PKHD1: variants seen among roughly 807,000 people sequenced by gnomAD.
PKHD1 encodes the protein PKHD1 ciliary IPT domain containing fibrocystin/polyductin, also known as fibrocystin.
A neutral mutation model predicts 412.0 loss-of-function variants in PKHD1; 291 were observed. The ratio of observed to expected loss-of-function variants is 0.71; its 90% CI spans 0.64 to 0.78. The LOEUF is 0.78. Among genes scored for constraint, PKHD1 ranks in the 30% least tolerant of loss-of-function variants. The probability of loss-of-function intolerance (pLI) is 0.00; values close to 1 mark genes in which losing one functional copy is unlikely to be tolerated. For synonymous variants in PKHD1, 1,777 were observed against 1,821.5 expected, an observed-to-expected ratio of 0.98 and a Z score of 0.62; for missense variants, 4,825 against 4,950.7, an observed-to-expected ratio of 0.97 and a Z score of 0.76.
At chr6:51,849,284 T>G (rs1311380074) in intron 49 of PKHD1, among the ~76,000 whole-genome samples, 1 of 152,242 alleles carries the variant, frequency 6.6e-6, no homozygotes. Flanking sequence ...TACCACATTT[T>G]CTTTATCCAG....
chr6:51,874,155 T>C (rs781331627), intron 46 of PKHD1, among the ~76,000 whole-genome samples: 1 of 152,196 alleles, frequency 6.6e-6, no homozygotes, highest in Non-Finnish European at 1.5e-5. Context: ...TCCATCAGCA[T>C]CTGTCTGAAT....
intron 43 of PKHD1, among the ~76,000 whole-genome samples, chr6:51,897,089 G>A (rs1228172589): frequency 6.6e-6 from 1 of 151,968 alleles, no homozygotes; most frequent in Admixed American, 6.6e-5. Flanking sequence ...AAAACACTCT[G>A]CAGGATATTA....
chr6:51,658,636 A>C (rs1772283607), intron 61 of PKHD1, among the ~76,000 whole-genome samples: 1 of 152,140 alleles, frequency 6.6e-6, no homozygotes, highest in Admixed American at 6.6e-5. Context: ...TCATTAAATA[A>C]ATAAATAAAC....
chr6:51,674,932 C>T (rs1207982380), intron 60 of PKHD1, among the ~76,000 whole-genome samples: 1 of 152,064 alleles, frequency 6.6e-6, no homozygotes, highest in African/African-American at 2.4e-5. Context: ...TATTAATTAT[C>T]CACTTTTGTA....
Position 51,659,404 on chromosome 6 carries a change from T to C in PKHD1, c.10722A>G (p.Lys3574=). Residue 3574 remains lysine (K), a synonymous_variant, in exon 61 of 67, where the codon AAA becomes AAG. Transcript: ENST00000371117. ...ALTVMVSVLE[K]GWEIVILERL... is the part of the protein sequence containing the mutation. The stretch of plus-strand genomic sequence containing the variant: ...TTTCGAGTATTACTATTTCCCAGCC[T>C]TTTTCTAAGACTGAAACCATCACAG... 1.2e-6 allele frequency: 2 copies of C among 1,613,606 alleles called. No individual in the cohort carries two copies. Among genetic ancestry groups the C allele is most frequent in the South Asian group, 1.1e-5 (1 of 91,078 alleles).
rs117645856 is a variant in PKHD1 at position 51,918,657 on chromosome 6, G to A, written c.6122-6081C>T. 9.6e-4 allele frequency among the ~76,000 whole-genome samples: 146 copies of A among 152,244 alleles called. 3 individuals carry two copies. In the East Asian group the frequency reaches 0.023, roughly 24 times the overall value. On this transcript the variant is annotated intron_variant, in intron 37 of 66. Coordinates refer to ENST00000371117, the MANE Select transcript of PKHD1 (RefSeq NM_138694.4). ...GTGAACAGTGATTCAATAAACATACGTGTGCATGTGTCTTTATGGTTGAAT... is the reference window on the plus strand; with the variant it reads ...GTGAACAGTGATTCAATAAACATACATGTGCATGTGTCTTTATGGTTGAAT...
At chr6:51,749,096 CA>C (rs1380781830) in intron 57 of PKHD1, among the ~76,000 whole-genome samples, 1 of 152,114 alleles carries the variant, frequency 6.6e-6, no homozygotes, top group Non-Finnish European at 1.5e-5. Context: ...CAGCCATTCC[CA>C]AGAAGACACT....
chr6:51,619,225 CTCT>C lies in PKHD1; in HGVS notation c.12078_12080del (p.Glu4027del). The C allele has an allele frequency of 6.2e-7, 1 of 1,614,276 alleles. No homozygotes were observed. The highest frequency in any genetic ancestry group is 8.5e-7 in the Non-Finnish European group (1 of 1,180,040). On this transcript the variant is annotated inframe_deletion, in exon 67 of 67. Transcript: ENST00000371117. ...GACTTTGCCCTGGCAACTGCTGCCT[CTCT>C]TGTCTGAAGTCTGGGCATAGCAGCA... is the stretch of plus-strand genomic sequence containing the variant.
intron 35 of PKHD1, among the ~76,000 whole-genome samples, chr6:51,986,628 T>G (rs1796251750): frequency 6.6e-6 from 1 of 152,240 alleles, no homozygotes. Flanking sequence ...CTACCACCTA[T>G]GTTCAAGTAA....
At chr6:51,680,275 A>C (rs1362201300) in intron 60 of PKHD1, among the ~76,000 whole-genome samples, 1 of 151,998 alleles carries the variant, frequency 6.6e-6, no homozygotes, top group Non-Finnish European at 1.5e-5. Context: ...TCATAATAGG[A>C]GCTTCATGTA....
intron 60 of PKHD1, among the ~76,000 whole-genome samples, chr6:51,736,886 A>G (rs989635745): frequency 1.3e-5 from 2 of 152,194 alleles, no homozygotes; most frequent in African/African-American, 4.8e-5. Flanking sequence ...AGCAACAAAA[A>G]GTTGAGAAAC....
chr6:51,764,455 C>A (rs2151081877), intron 55 of PKHD1, among the ~76,000 whole-genome samples: 2 of 146,378 alleles, frequency 1.4e-5, no homozygotes, highest in South Asian at 4.9e-4. Context: ...AACACTTTTA[C>A]ACTGTTGGTG....
At chr6:52,003,876 C>CA (rs1372479059) in intron 35 of PKHD1, among the ~76,000 whole-genome samples, 9 of 151,758 alleles carry the variant, frequency 5.9e-5, no homozygotes, top group Non-Finnish European at 1.3e-4. Context: ...AAATTTCTAC[C>CA]AAAAAAACCT....
At chr6:51,864,280 G>A (rs1435931930) in intron 48 of PKHD1, among the ~76,000 whole-genome samples, 1 of 152,134 alleles carries the variant, frequency 6.6e-6, no homozygotes, top group African/African-American at 2.4e-5. Flanking sequence ...ACTTTCCTTG[G>A]AAAGCACTGA....
At chr6:51,810,185 A>G (rs1445481256) in intron 52 of PKHD1, among the ~76,000 whole-genome samples, 4 of 152,204 alleles carry the variant, frequency 2.6e-5, no homozygotes, top group Admixed American at 2.6e-4. Flanking sequence ...AAAAAAATTG[A>G]TTTGGGGTCT....
At position 51,760,581 on chromosome 6, in the gene PKHD1, A is replaced by G. The variant is rs550621341; in HGVS notation, c.8643-5643T>C. The stretch of plus-strand genomic sequence containing the variant: ...AGGAGATGCAAGAATACTGCATCTG[A>G]TACTCTTATTTCATTTATTAGGTAC... On this transcript the variant is annotated intron_variant, in intron 55 of 66. Coordinates refer to ENST00000371117, the MANE Select transcript of PKHD1 (RefSeq NM_138694.4). 4.7e-4 allele frequency among the ~76,000 whole-genome samples: 72 copies of G among 152,226 alleles called. 1 individual carries two copies. Among genetic ancestry groups the G allele is most frequent in the African/African-American group, 1.7e-3 (69 of 41,568 alleles).
chr6:51,823,362 CT>C (rs1374824139), intron 52 of PKHD1, among the ~76,000 whole-genome samples: 1 of 152,140 alleles, frequency 6.6e-6, no homozygotes, highest in African/African-American at 2.4e-5. Context: ...ACGTGTGCCC[CT>C]CCTAGAAAAT....
chr6:52,040,427 C>T (rs1804665311), intron 27 of PKHD1, among the ~76,000 whole-genome samples: 1 of 152,138 alleles, frequency 6.6e-6, no homozygotes, highest in African/African-American at 2.4e-5. Flanking sequence ...CTTTGCCTCC[C>T]TACTGTGAGT....
chr6:51,886,101 C>T, intron 44 of PKHD1, 129 bp from the exon 45 acceptor site: 1 of 718,176 alleles, frequency 1.4e-6, no homozygotes, highest in Non-Finnish European at 2.5e-6. Flanking sequence ...CTGTGACCCT[C>T]CCCCTAACTG....
Sources: allele counts gnomAD v4.1 joint callset (sites outside exome capture counted in the v4.1 genomes callset), GRCh38; gene constraint gnomAD v4.1.1; transcripts MANE v1.5; gene names NCBI Gene and HGNC (gene_info 2026-07-23, HGNC 2026-07-21).